The following NHP2 variants were observed in gnomAD, a reference collection of about 807,000 sequenced individuals.
NHP2 encodes NHP2 ribonucleoprotein.
A neutral mutation model predicts 16.7 loss-of-function variants in NHP2; 10 were observed. The observed-to-expected ratio is 0.60, with a 90% confidence interval of 0.37 to 1.01. The LOEUF (loss-of-function observed/expected upper bound fraction) is 1.01. Ranked by LOEUF, NHP2 falls within the 50% of genes least tolerant of loss-of-function variation. The pLI is 0.01. For missense variants in NHP2, 184 were observed against 198.3 expected, an observed-to-expected ratio of 0.93 and a Z score of 0.43; for synonymous variants, 87 against 78.9, an observed-to-expected ratio of 1.10 and a Z score of -0.54.
At chr5:178,150,453 T>A (rs1226288011) in intron 3 of NHP2, 2 of 351,956 alleles carry the variant, frequency 5.7e-6, no homozygotes, top group Non-Finnish European at 5.6e-6. Context: ...TGATCATGGC[T>A]CACTGCAGCC....
In NHP2 at chr5:178,153,704, C is replaced by T. The variant is rs780019884; in HGVS notation, c.114G>A (p.Leu38=). The T allele has an allele frequency of 6.2e-6, 10 of 1,613,914 alleles. No homozygotes were observed. The highest frequency in any genetic ancestry group is 8.5e-6 in the Non-Finnish European group (10 of 1,179,968). ...LVNQNPIAQP[L]ASRRLTRKLY... ...GCTTCCGCGTGAGGCGGCGAGAAGC[C>T]AGGGGCTGCGCGATGGGGTTCTGGT... Residue 38 remains leucine (L), a synonymous_variant, in exon 1 of 4, where the codon CTG becomes CTA. Coordinates refer to ENST00000274606, the MANE Select transcript of NHP2 (RefSeq NM_017838.4).
At chr5:178,149,957 G>T in intron 3 of NHP2, 119 bp from the exon 4 acceptor site, 1 of 1,122,648 alleles carries the variant, frequency 8.9e-7, no homozygotes, top group Non-Finnish European at 1.3e-6. Flanking sequence ...TTCGGTCCAT[G>T]TTCTATTTAA....
chr5:178,152,844 C>G (rs1233788400), intron 2 of NHP2, among the ~76,000 whole-genome samples: 3 of 152,170 alleles, frequency 2.0e-5, no homozygotes, highest in African/African-American at 7.2e-5. Flanking sequence ...CCCAACGCTT[C>G]GGGAGGCTGA....
intron 3 of NHP2, 103 bp from the exon 4 acceptor site, chr5:178,149,941 G>T: frequency 8.0e-7 from 1 of 1,246,182 alleles, no homozygotes; most frequent in Non-Finnish European, 1.1e-6. Flanking sequence ...CCACAACCAT[G>T]TTCTGTTCGG....
intron 2 of NHP2, among the ~76,000 whole-genome samples, chr5:178,152,809 A>C (rs776456820): frequency 3.9e-5 from 6 of 152,230 alleles, no homozygotes; most frequent in Non-Finnish European, 8.8e-5. Flanking sequence ...TAAGGCTGCC[A>C]GGCGCGGTGG....
chr5:178,152,704 A>ATT (rs1756306874), intron 2 of NHP2, among the ~76,000 whole-genome samples: 1 of 152,236 alleles, frequency 6.6e-6, no homozygotes, highest in East Asian at 1.9e-4. Context: ...TATCTATCAC[A>ATT]ACGTGTAATT....
chr5:178,153,654 T>G lies in NHP2; in HGVS notation c.160+4A>C, dbSNP rs1419452406. ...CATCCCGGCCACGCCGCCGTCCGCC[T>G]CACCTTTCTTGATGCATTTGTAGAG... On this transcript the variant is annotated splice_donor_region_variant and intron_variant, in intron 1 of 3. Coordinates refer to ENST00000274606, the MANE Select transcript of NHP2 (RefSeq NM_017838.4). 4.3e-6 allele frequency: 7 copies of G among 1,613,464 alleles called. No homozygotes were observed. The highest frequency in any genetic ancestry group is 1.1e-5 in the South Asian group (1 of 91,048).
At position 178,153,848 on chromosome 5, in the gene NHP2, A is replaced by T. The variant is rs780366903; in HGVS notation, c.-31T>A. 6.3e-7 allele frequency: 1 copy of T among 1,591,566 alleles called. No individual in the cohort carries two copies. Among genetic ancestry groups the T allele is most frequent in the Non-Finnish European group, 8.6e-7 (1 of 1,169,368 alleles). On this transcript the variant is annotated 5_prime_UTR_variant, in exon 1 of 4. Coordinates refer to ENST00000274606, the MANE Select transcript of NHP2 (RefSeq NM_017838.4). ...CGGCCGCTGAAACCTAGTCCCAGGGAGGCGAGCCCACGCGGTCCACAGCTT... is the reference window on the plus strand; with the variant it reads ...CGGCCGCTGAAACCTAGTCCCAGGGTGGCGAGCCCACGCGGTCCACAGCTT...
At position 178,153,702 on chromosome 5, in the gene NHP2, G is replaced by T. The variant is rs1439650238; in HGVS notation, c.116C>A (p.Ala39Asp). ...VNQNPIAQPL[A>D]SRRLTRKLYK... ...GAGCTTCCGCGTGAGGCGGCGAGAA[G>T]CCAGGGGCTGCGCGATGGGGTTCTG... is the stretch of plus-strand genomic sequence containing the variant. Residue 39 changes from alanine (A) to aspartate (D), a missense_variant, in exon 1 of 4, where the codon GCT (alanine) becomes GAT (aspartate). Coordinates refer to ENST00000274606, the MANE Select transcript of NHP2 (RefSeq NM_017838.4). 6.2e-7 allele frequency: 1 copy of T among 1,614,042 alleles called. No individual in the cohort carries two copies. Among genetic ancestry groups the T allele is most frequent in the Non-Finnish European group, 8.5e-7 (1 of 1,179,958 alleles).
chr5:178,151,227 A>G (rs1281060472), intron 2 of NHP2, among the ~76,000 whole-genome samples: 1 of 152,126 alleles, frequency 6.6e-6, no homozygotes, highest in East Asian at 1.9e-4. Flanking sequence ...CTCTTTGGAG[A>G]GTCAAAAAAG....
At chr5:178,151,136 C>T (rs1310766059) in intron 2 of NHP2, 143 bp from the exon 3 acceptor site, 1 of 751,516 alleles carries the variant, frequency 1.3e-6, no homozygotes, top group Non-Finnish European at 2.4e-6. Flanking sequence ...TACCTCTTGG[C>T]AACATACAGG....
Position 178,150,733 on chromosome 5 carries a change from CTG to C in NHP2, c.336+153_336+154del, listed in dbSNP as rs1561644097. On this transcript the variant is annotated intron_variant, in intron 3 of 3. Coordinates refer to ENST00000274606, the MANE Select transcript of NHP2 (RefSeq NM_017838.4). ...AACTGAAATGCAAGAAGTAACATAT[CTG>C]TAGTCCCAAAACTAAGAAGATGTGG... The C allele has an allele frequency of 1.2e-5, 9 of 768,486 alleles. No homozygotes were observed. The Admixed American group carries it at 1.4e-4, about 12-fold the overall frequency. The allele number at this position is 768,486 out of a possible 1,614,324, so 47.6% of individuals were successfully genotyped here. A position where few individuals can be genotyped will look rare whatever the true frequency, so the allele number is the denominator to read the frequency against.
chr5:178,150,473 T>C, intron 3 of NHP2: 1 of 356,772 alleles, frequency 2.8e-6, no homozygotes, highest in African/African-American at 2.1e-5. Context: ...CTTGAACTCC[T>C]GGGTTCAAGT....
In NHP2 at chr5:178,150,970, G is replaced by A. The variant is rs780760499; in HGVS notation, c.254C>T (p.Thr85Ile). 1.9e-6 allele frequency: 3 copies of A among 1,613,692 alleles called. No individual in the cohort carries two copies. The highest frequency in any genetic ancestry group is 2.2e-5 in the South Asian group (2 of 91,074). Residue 85 changes from threonine to isoleucine, a missense_variant, in exon 3 of 4, where the codon ACA becomes ATA. Transcript: ENST00000274606. ...ATGGCAGTATACCTCAATGGGCAGT[G>A]TGTCTCCTGCCAAAACCATGATCCT... ...EKGIMVLAGDTLPIEVYCHLP... is the reference protein window; with the variant it reads ...EKGIMVLAGDILPIEVYCHLP...
Position 178,149,595 on chromosome 5 carries a change from G to A in NHP2, c.*118C>T. The A allele has an allele frequency of 7.4e-7, 1 of 1,345,666 alleles. No homozygotes were observed. Among genetic ancestry groups the A allele is most frequent in the Non-Finnish European group, 1.0e-6 (1 of 959,604 alleles). The allele number at this position is 1,345,666 out of a possible 1,614,324, so 83.4% of individuals were successfully genotyped here. A position where few individuals can be genotyped will look rare whatever the true frequency, so the allele number is the denominator to read the frequency against. On this transcript the variant is annotated 3_prime_UTR_variant, in exon 4 of 4. Coordinates refer to ENST00000274606, the MANE Select transcript of NHP2 (RefSeq NM_017838.4). ...GCTGTTAGAGCTGCCTGGGAAGAAG[G>A]CGTGCCTTGGGGAACTGGGAAGATG... is the stretch of plus-strand genomic sequence containing the variant.
chr5:178,150,995 T>G lies in NHP2; in HGVS notation c.231-2A>C. 6.2e-7 allele frequency: 1 copy of G among 1,610,532 alleles called. No individual in the cohort carries two copies. Among genetic ancestry groups the G allele is most frequent in the Non-Finnish European group, 8.5e-7 (1 of 1,177,314 alleles). On this transcript the variant is annotated splice_acceptor_variant, in intron 2 of 3. Transcript: ENST00000274606. LOFTEE classifies it high-confidence loss of function. ...GTGTCTCCTGCCAAAACCATGATCC[T>G]GAAATGAGAGAAAACACTGTCATCT... is the stretch of plus-strand genomic sequence containing the variant.
intron 3 of NHP2, 136 bp downstream of exon 3, chr5:178,150,752 A>C (rs944364695): frequency 3.9e-6 from 3 of 778,026 alleles, no homozygotes; most frequent in Non-Finnish European, 7.1e-6. Context: ...CAAAACTAAG[A>C]AGATGTGGAG....
intron 3 of NHP2, chr5:178,150,671 C>T (rs1756252233): frequency 1.4e-6 from 1 of 693,568 alleles, no homozygotes; most frequent in Non-Finnish European, 2.6e-6. Flanking sequence ...GTGTGAGCCA[C>T]AGCGCCTGGG....
intron 3 of NHP2, 23 bp from the exon 4 acceptor site, chr5:178,149,861 GT>G (rs1479215907): frequency 1.9e-6 from 3 of 1,611,460 alleles, no homozygotes; most frequent in Non-Finnish European, 2.5e-6. Context: ...AAGAAGTGCT[GT>G]TTGGAAAAAA....
Sources: gnomAD v4.1 joint callset for allele counts (sites outside exome capture counted in the v4.1 genomes callset) on GRCh38, gnomAD v4.1.1 for gene constraint, MANE v1.5 for transcripts, NCBI Gene and HGNC (gene_info 2026-07-23, HGNC 2026-07-21) for gene names.